PIK3C2A: variants seen among roughly 807,000 people sequenced by gnomAD.
The protein encoded by PIK3C2A is phosphatidylinositol 4-phosphate 3-kinase C2 domain-containing subunit alpha.
PIK3C2A carries 97 observed loss-of-function variants against 204.5 expected under a neutral mutation model. The ratio of observed to expected loss-of-function variants is 0.47; its 90% CI spans 0.40 to 0.56. The LOEUF (loss-of-function observed/expected upper bound fraction) is 0.56. PIK3C2A is among the 20% of genes least tolerant of loss of function. PIK3C2A has a pLI of 0.00. For synonymous variants in PIK3C2A, 653 were observed against 664.4 expected (o/e 0.98, Z 0.26); for missense variants, 1,735 against 1,969.2 (o/e 0.88, Z 2.25).
chr11:17,201,525 CAAAAAAAAAAA>C (rs869055451), intron 1 of PIK3C2A, among the ~76,000 whole-genome samples: 10 of 29,002 alleles, frequency 3.4e-4, no homozygotes, highest in Non-Finnish European at 1.4e-4. Flanking sequence ...GACTCCGTCT[CAAAAAAAAAAA>C]AAAAAAAGAA....
At position 17,131,886 on chromosome 11, in the gene PIK3C2A, A is replaced by G. The variant is rs1478087850; in HGVS notation, c.2231+30T>C. 1.9e-6 allele frequency: 3 copies of G among 1,585,096 alleles called. No individual in the cohort carries two copies. In the South Asian group the frequency reaches 3.5e-5, roughly 18 times the overall value. On this transcript the variant is annotated intron_variant, in intron 12 of 32. Coordinates refer to ENST00000691414, the MANE Select transcript of PIK3C2A (RefSeq NM_002645.4). ...AAAAAGTAAACAACAGGACACACTG[A>G]AAGAATAAAAAGCCAGAAATTTCAC...
At chr11:17,140,506 T>C (rs1173978101) in intron 8 of PIK3C2A, among the ~76,000 whole-genome samples, 1 of 152,100 alleles carries the variant, frequency 6.6e-6, no homozygotes. Context: ...TACTACAACA[T>C]GGATGAACCT....
chr11:17,102,581 C>A (rs1037496947), intron 24 of PIK3C2A, 81 bp downstream of exon 24: 19 of 1,179,970 alleles, frequency 1.6e-5, no homozygotes, highest in Middle Eastern at 2.0e-4. Context: ...AGCCGCGAGG[C>A]AAAACACAAA....
intron 6 of PIK3C2A, 31 bp from the exon 7 acceptor site, chr11:17,145,973 C>A (rs1290709592): frequency 6.0e-6 from 9 of 1,505,262 alleles, no homozygotes; most frequent in Non-Finnish European, 8.3e-6. Context: ...AAAAAAATCA[C>A]ATCCACTCTT....
intron 1 of PIK3C2A, among the ~76,000 whole-genome samples, chr11:17,192,703 T>G (rs1009811676): frequency 3.9e-5 from 6 of 152,186 alleles, no homozygotes; most frequent in Non-Finnish European, 1.5e-5. Flanking sequence ...CTCCTCAGCC[T>G]CCCAGAGTGC....
chr11:17,113,045 CTT>C (rs1465813994), intron 20 of PIK3C2A, among the ~76,000 whole-genome samples: 2 of 151,590 alleles, frequency 1.3e-5, no homozygotes, highest in Non-Finnish European at 1.5e-5. Context: ...GAGTTTTGCT[CTT>C]GTTGCCCAGG....
intron 26 of PIK3C2A, among the ~76,000 whole-genome samples, chr11:17,097,483 C>G (rs1848486923): frequency 6.6e-6 from 1 of 152,176 alleles, no homozygotes; most frequent in Admixed American, 6.5e-5. Flanking sequence ...GCTTGGTTTT[C>G]TTGAACCCTG....
chr11:17,113,972 C>T (rs1404652444), intron 20 of PIK3C2A, among the ~76,000 whole-genome samples: 2 of 151,530 alleles, frequency 1.3e-5, no homozygotes, highest in Non-Finnish European at 2.9e-5. Context: ...CCCAGCTACT[C>T]AGGAGGATGA....
rs903863131 is a variant in PIK3C2A at position 17,089,667 on chromosome 11, CTGTG to C, written c.*67_*70del. On this transcript the variant is annotated 3_prime_UTR_variant, in exon 33 of 33. Coordinates refer to ENST00000691414, the MANE Select transcript of PIK3C2A (RefSeq NM_002645.4). ...AATTAACAAGTGTGTGTGTGTGTGT[CTGTG>C]TGTGTGTGCATGTATGCATGCACGT... 4.3e-5 allele frequency: 35 copies of C among 816,992 alleles called. No homozygotes were observed. The highest frequency in any genetic ancestry group is 3.1e-4 in the East Asian group (12 of 38,508). 50.6% of individuals were successfully genotyped at this position (816,992 alleles called of 1,614,324 possible). A position where few individuals can be genotyped will look rare whatever the true frequency, so the allele number is the denominator to read the frequency against.
At chr11:17,206,822 T>C (rs1410748106) in intron 1 of PIK3C2A, among the ~76,000 whole-genome samples, 1 of 152,178 alleles carries the variant, frequency 6.6e-6, no homozygotes, top group Non-Finnish European at 1.5e-5. Flanking sequence ...ACAATAGATT[T>C]AAAAATTTTC....
At chr11:17,097,665 G>A (rs1047374876) in intron 26 of PIK3C2A, among the ~76,000 whole-genome samples, 9 of 152,216 alleles carry the variant, frequency 5.9e-5, no homozygotes, top group Admixed American at 2.0e-4. Context: ...TGTAATCCCA[G>A]CACTTTGGGA....
At chr11:17,124,661 C>G (rs1411126780) in intron 13 of PIK3C2A, among the ~76,000 whole-genome samples, 1 of 152,164 alleles carries the variant, frequency 6.6e-6, no homozygotes, top group Non-Finnish European at 1.5e-5. Context: ...CCAGACATAG[C>G]CATGCTCATT....
chr11:17,101,646 C>T (rs775928163), intron 24 of PIK3C2A, among the ~76,000 whole-genome samples: 19 of 150,568 alleles, frequency 1.3e-4, no homozygotes, highest in Non-Finnish European at 2.1e-4. Flanking sequence ...CTCTGTCGCC[C>T]AGGCTGGAGT....
intron 1 of PIK3C2A, among the ~76,000 whole-genome samples, chr11:17,202,027 G>A (rs369935031): frequency 1.6e-4 from 24 of 152,070 alleles, no homozygotes; most frequent in African/African-American, 4.6e-4. Context: ...AGGCAGAGGC[G>A]GGCAGATCGC....
intron 1 of PIK3C2A, among the ~76,000 whole-genome samples, chr11:17,195,855 T>C (rs1430590808): frequency 1.3e-5 from 2 of 151,624 alleles, no homozygotes. Flanking sequence ...CTGGCTAACA[T>C]GGTGAAACCC....
In PIK3C2A at chr11:17,206,099, G is replaced by A. The variant is rs541434331; in HGVS notation, c.-66+1749C>T. On this transcript the variant is annotated intron_variant, in intron 1 of 32. Transcript: ENST00000691414. ...CGTGCCACTGCACTCCAGCCTAGGC[G>A]ACAGAGCGAGATTCAAACAGAAAAA... Among the ~76,000 whole-genome samples, 35 of 152,286 alleles carry A rather than the reference G, an allele frequency of 2.3e-4. 2 individuals are homozygous for A. In the South Asian group the frequency reaches 7.0e-3, roughly 31 times the overall value.
intron 22 of PIK3C2A, among the ~76,000 whole-genome samples, chr11:17,106,970 A>C (rs1005203508): frequency 4.6e-5 from 7 of 152,248 alleles, no homozygotes; most frequent in Admixed American, 4.6e-4. Context: ...TAATTGAAAT[A>C]TAAATGCCTG....
intron 1 of PIK3C2A, chr11:17,193,358 G>A (rs1852005938): frequency 5.9e-6 from 1 of 170,222 alleles, no homozygotes; most frequent in African/African-American, 2.4e-5. Context: ...AATCGGCTTT[G>A]TTATCCCACT....
chr11:17,129,253 G>A (rs1338040808), intron 13 of PIK3C2A, 47 bp downstream of exon 13: 1 of 1,457,218 alleles, frequency 6.9e-7, no homozygotes, highest in Non-Finnish European at 9.6e-7. Flanking sequence ...ATTCTGATGT[G>A]CAGATGTGTC....
Sources: gnomAD v4.1 joint callset for allele counts (sites outside exome capture counted in the v4.1 genomes callset) on GRCh38, gnomAD v4.1.1 for gene constraint, MANE v1.5 for transcripts, NCBI Gene and HGNC (gene_info 2026-07-23, HGNC 2026-07-21) for gene names.